The following NCOR1 variants were observed in gnomAD, a reference collection of about 807,000 sequenced individuals.
NCOR1 encodes protein phosphatase 1, regulatory subunit 109.
In NCOR1, 63 loss-of-function variants were observed where a neutral mutation model predicts 288.1. The observed-to-expected ratio is 0.22, with a 90% CI of 0.18 to 0.27. NCOR1 has a LOEUF of 0.27. Among genes scored for constraint, NCOR1 ranks in the 10% least tolerant of loss-of-function variants. The pLI is 1.00. For synonymous variants in NCOR1, 1,007 were observed against 1,065.9 expected (o/e 0.94, Z 1.08); for missense variants, 2,397 against 3,019.2 (o/e 0.79, Z 4.83).
intron 21 of NCOR1, 57 bp downstream of exon 21, chr17:16,098,310 G>C: frequency 6.5e-7 from 1 of 1,527,150 alleles, no homozygotes; most frequent in Non-Finnish European, 9.0e-7. Context: ...GAAGAAATAT[G>C]TCTATAAAGG....
chr17:16,052,095 G>A (rs937438109), intron 40 of NCOR1, among the ~76,000 whole-genome samples: 3 of 151,780 alleles, frequency 2.0e-5, no homozygotes, highest in African/African-American at 4.8e-5. Context: ...TGCAAGCTCC[G>A]CCTCCCGGGT....
intron 40 of NCOR1, among the ~76,000 whole-genome samples, chr17:16,053,398 G>C (rs2059539497): frequency 1.3e-5 from 2 of 151,994 alleles, no homozygotes; most frequent in South Asian, 4.2e-4. Flanking sequence ...ACACCAATGA[G>C]AGCCAAGCCA....
intron 1 of NCOR1, among the ~76,000 whole-genome samples, chr17:16,196,856 AG>A (rs2089935784): frequency 6.6e-6 from 1 of 150,706 alleles, no homozygotes; most frequent in Non-Finnish European, 1.5e-5. Flanking sequence ...GAAAAAAAAA[AG>A]AAAAAAATAA....
Position 16,061,801 on chromosome 17 carries a change from A to G in NCOR1, c.5481T>C (p.Ala1827=), listed in dbSNP as rs2152615314. 1 of 1,614,244 alleles carries G rather than the reference A, an allele frequency of 6.2e-7. No individual in the cohort carries two copies. Among genetic ancestry groups the G allele is most frequent in the Non-Finnish European group, 8.5e-7 (1 of 1,180,034 alleles). Residue 1827 remains alanine, a synonymous_variant, in exon 37 of 46, where the codon GCT becomes GCC. Transcript: ENST00000268712. ...AADALAALVD[A]AASAPQMDVS... The stretch of plus-strand genomic sequence containing the variant: ...CATCCATCTGGGGTGCAGAAGCTGC[A>G]GCATCCACAAGAGCAGCCAGGGCAT...
intron 44 of NCOR1, among the ~76,000 whole-genome samples, chr17:16,037,994 A>G (rs985029029): frequency 2.6e-5 from 4 of 152,198 alleles, no homozygotes; most frequent in African/African-American, 9.6e-5. Context: ...TATAACCTTA[A>G]AACACACACA....
At chr17:16,050,113 G>C (rs1352560697) in intron 40 of NCOR1, among the ~76,000 whole-genome samples, 2 of 151,888 alleles carry the variant, frequency 1.3e-5, no homozygotes, top group Non-Finnish European at 2.9e-5. Flanking sequence ...TTTTTGTAGA[G>C]ACAGGGGTCT....
chr17:16,180,320 T>C (rs530261050), intron 3 of NCOR1, among the ~76,000 whole-genome samples: 14 of 152,258 alleles, frequency 9.2e-5, no homozygotes, highest in African/African-American at 3.4e-4. Context: ...TAGTATTTTG[T>C]TGGTGGGAAT....
Position 16,064,119 on chromosome 17 carries a change from G to GCTCCTT in NCOR1, c.5164_5169dup (p.Lys1722_Glu1723dup). 4 of 1,614,024 alleles carry GCTCCTT rather than the reference G, an allele frequency of 2.5e-6. No individual in the cohort carries two copies. The highest frequency in any genetic ancestry group is 3.4e-6 in the Non-Finnish European group (4 of 1,179,986). Reference sequence around the variant, plus strand: ...GCTGCAGCAATCCGTTCCCGCTCCCGCTCCTTCTCCCGCTCCCGTTCCCGT... The same window carrying GCTCCTT: ...GCTGCAGCAATCCGTTCCCGCTCCCGCTCCTTCTCCTTCTCCCGCTCCCGTTCCCGT... On this transcript the variant is annotated inframe_insertion, in exon 35 of 46. Transcript: ENST00000268712.
At chr17:16,147,075 A>G (rs931278912) in intron 9 of NCOR1, among the ~76,000 whole-genome samples, 2 of 152,184 alleles carry the variant, frequency 1.3e-5, no homozygotes, top group African/African-American at 2.4e-5. Context: ...ACATTTTGAC[A>G]GTATGAAAAA....
At chr17:16,050,225 ATT>A (rs200783067) in intron 40 of NCOR1, among the ~76,000 whole-genome samples, 5 of 140,004 alleles carry the variant, frequency 3.6e-5, no homozygotes, top group African/African-American at 5.3e-5. Context: ...CACACCCTCA[ATT>A]TTTTTTTTTT....
chr17:16,061,188 A>G (rs1333590684), intron 37 of NCOR1, among the ~76,000 whole-genome samples: 1 of 152,218 alleles, frequency 6.6e-6, no homozygotes, highest in African/African-American at 2.4e-5. Flanking sequence ...TACATGAATG[A>G]TACAGTTTTC....
intron 19 of NCOR1, among the ~76,000 whole-genome samples, chr17:16,106,854 CAT>C (rs1162344281): frequency 0.18 from 8,193 of 46,046 alleles, 1,232 homozygotes; most frequent in Middle Eastern, 0.24. Flanking sequence ...CTTGATCAGA[CAT>C]ATATATATAT....
At chr17:16,068,962 G>A (rs2061437776) in intron 31 of NCOR1, among the ~76,000 whole-genome samples, 2 of 152,000 alleles carry the variant, frequency 1.3e-5, no homozygotes, top group Non-Finnish European at 1.5e-5. Flanking sequence ...TGATCCGCCC[G>A]CCTTGGCCTC....
chr17:16,120,581 T>C (rs1178867362), intron 16 of NCOR1, among the ~76,000 whole-genome samples: 1 of 152,152 alleles, frequency 6.6e-6, no homozygotes, highest in African/African-American at 2.4e-5. Context: ...GAAAGATGCT[T>C]TGACTATTAG....
At chr17:16,209,780 T>C (rs376329964) in intron 1 of NCOR1, among the ~76,000 whole-genome samples, 1 of 151,630 alleles carries the variant, frequency 6.6e-6, no homozygotes, top group Non-Finnish European at 1.5e-5. Context: ...GGCGAAACTC[T>C]TTCTCTACTA....
intron 21 of NCOR1, among the ~76,000 whole-genome samples, chr17:16,096,920 A>G (rs1013439797): frequency 6.6e-6 from 1 of 152,264 alleles, no homozygotes. Flanking sequence ...AATGTGATAT[A>G]CAGATACAAT....
chr17:16,037,411 T>TA (rs36077553), intron 44 of NCOR1, among the ~76,000 whole-genome samples: 32 of 147,030 alleles, frequency 2.2e-4, no homozygotes, highest in African/African-American at 3.0e-4. Context: ...AACCTTCAGT[T>TA]AAAAAAAAAA....
At chr17:16,199,265 C>A (rs2090436430) in intron 1 of NCOR1, among the ~76,000 whole-genome samples, 1 of 147,294 alleles carries the variant, frequency 6.8e-6, no homozygotes, top group Non-Finnish European at 1.5e-5. Context: ...AGGAAATTAG[C>A]CCCTACTAGC....
intron 19 of NCOR1, among the ~76,000 whole-genome samples, chr17:16,107,510 T>G (rs906006060): frequency 4.6e-5 from 7 of 152,176 alleles, no homozygotes; most frequent in Non-Finnish European, 8.8e-5. Flanking sequence ...GCCAGCACCT[T>G]GACCTTGCAC....
Sources: gnomAD v4.1 joint callset for allele counts (sites outside exome capture counted in the v4.1 genomes callset) on GRCh38, gnomAD v4.1.1 for gene constraint, MANE v1.5 for transcripts, NCBI Gene and HGNC (gene_info 2026-07-23, HGNC 2026-07-21) for gene names.